Variants in CDKL2 observed in about 807,000 individuals in gnomAD.
CDKL2 encodes the protein cyclin dependent kinase like 2, also known as cyclin-dependent kinase-like 2.
Under a neutral mutation model 63.9 loss-of-function variants are expected in CDKL2, and 64 were observed. That is an observed-to-expected ratio of 1.00 (90% CI 0.82 to 1.23). The LOEUF is 1.23. CDKL2 is among the 50% of genes most tolerant of loss of function. CDKL2 has a pLI of 0.00. For synonymous variants in CDKL2, 211 were observed against 229.2 expected (o/e 0.92, Z 0.72); for missense variants, 656 against 668.0 (o/e 0.98, Z 0.20).
chr4:75,599,424 G>T (rs9998246), intron 7 of CDKL2, among the ~76,000 whole-genome samples: 4,869 of 151,870 alleles, frequency 0.032, 239 homozygotes, highest in African/African-American at 0.11. Context: ...AGCCAGTTGT[G>T]GTGGCACATG....
At chr4:75,601,887 T>G (rs957065130) in intron 6 of CDKL2, among the ~76,000 whole-genome samples, 1 of 152,168 alleles carries the variant, frequency 6.6e-6, no homozygotes, top group Non-Finnish European at 1.5e-5. Context: ...AACAAAAAAA[T>G]TGGGTAAATC....
intron 2 of CDKL2, among the ~76,000 whole-genome samples, chr4:75,622,622 G>A (rs1392876972): frequency 3.4e-5 from 5 of 145,610 alleles, no homozygotes; most frequent in African/African-American, 1.3e-4. Context: ...GGAGGCTGAG[G>A]CAGGAGAATT....
Position 75,607,179 on chromosome 4 carries a change from T to A in CDKL2, c.542+4A>T, listed in dbSNP as rs1729454117. The A allele has an allele frequency of 6.2e-7, 1 of 1,602,636 alleles. No homozygotes were observed. Among genetic ancestry groups the A allele is most frequent in the African/African-American group, 1.3e-5 (1 of 74,658 alleles). ...TCTACTCCTCCCCATTACTGATGTC[T>A]TACTTGCCATACTTGACATCACCAA... On this transcript the variant is annotated splice_donor_region_variant and intron_variant, in intron 4 of 13. Coordinates refer to ENST00000307465, the MANE Select transcript of CDKL2 (RefSeq NM_001330724.2).
At chr4:75,617,574 C>T (rs912583722) in intron 2 of CDKL2, among the ~76,000 whole-genome samples, 4 of 152,184 alleles carry the variant, frequency 2.6e-5, no homozygotes, top group Non-Finnish European at 5.9e-5. Context: ...CCTAATGGAA[C>T]TATAAATTCT....
chr4:75,579,853 C>T lies in CDKL2; in HGVS notation c.*24-675G>A, dbSNP rs1055416703. 8.5e-5 allele frequency among the ~76,000 whole-genome samples: 13 copies of T among 152,230 alleles called. 1 individual carries two copies. The highest frequency in any genetic ancestry group is 2.9e-4 in the African/African-American group (12 of 41,458). On this transcript the variant is annotated intron_variant, in intron 13 of 13. Transcript: ENST00000307465. ...TGAATGCATTGCAAAGACTCTCCCA[C>T]GGCCTTGAAAGGACCTGTGCAAATG...
Position 75,610,824 on chromosome 4 carries a change from T to C in CDKL2, c.363+3431A>G, listed in dbSNP as rs188325006. ...ATCCTTATGTGTACATATATGTGTT[T>C]ATATATATGTATGTATGTATGTATA... On this transcript the variant is annotated intron_variant, in intron 3 of 13. Coordinates refer to ENST00000307465, the MANE Select transcript of CDKL2 (RefSeq NM_001330724.2). Among the ~76,000 whole-genome samples the C allele has an allele frequency of 3.2e-4, 48 of 152,300 alleles. No individual in the cohort carries two copies. The East Asian group carries it at 7.9e-3, about 25-fold the overall frequency.
intron 3 of CDKL2, among the ~76,000 whole-genome samples, chr4:75,609,311 A>G (rs1729571219): frequency 1.3e-5 from 2 of 152,116 alleles, no homozygotes. Context: ...TATTCAGATA[A>G]TATTTAAAAA....
intron 10 of CDKL2, among the ~76,000 whole-genome samples, chr4:75,592,822 G>A (rs896992899): frequency 1.2e-4 from 18 of 152,240 alleles, no homozygotes; most frequent in African/African-American, 4.3e-4. Context: ...GACACAGAAA[G>A]AATTATAACT....
At chr4:75,619,927 A>G (rs1423065741) in intron 2 of CDKL2, among the ~76,000 whole-genome samples, 1 of 152,188 alleles carries the variant, frequency 6.6e-6, no homozygotes, top group Non-Finnish European at 1.5e-5. Flanking sequence ...GCTCCCGCCT[A>G]TGATTCTAGC....
chr4:75,583,880 C>T (rs1728363065), intron 12 of CDKL2, among the ~76,000 whole-genome samples: 1 of 151,454 alleles, frequency 6.6e-6, no homozygotes, highest in Admixed American at 6.6e-5. Context: ...CAAAAGAAAA[C>T]TGGAAAGGAA....
Position 75,605,620 on chromosome 4 carries a change from C to A in CDKL2, c.557G>T (p.Trp186Leu). ...TTCAGTTACCAGACAACCAATGGCC[C>A]ACACATCAACAGCCCTGAAAGAAAA... is the stretch of plus-strand genomic sequence containing the variant. ...DVKYGKAVDV[W>L]AIGCLVTEMF... Residue 186 changes from tryptophan (W) to leucine (L), a missense_variant, in exon 5 of 14, where the codon TGG becomes TTG. Coordinates refer to ENST00000307465, the MANE Select transcript of CDKL2 (RefSeq NM_001330724.2). 6.2e-7 allele frequency: 1 copy of A among 1,611,446 alleles called. No individual in the cohort carries two copies. Among genetic ancestry groups the A allele is most frequent in the Non-Finnish European group, 8.5e-7 (1 of 1,177,602 alleles).
intron 1 of CDKL2, among the ~76,000 whole-genome samples, chr4:75,626,874 C>G (rs1469622918): frequency 1.3e-5 from 2 of 151,468 alleles, no homozygotes; most frequent in East Asian, 3.9e-4. Context: ...AGCAACGGAG[C>G]AAGAATCTGT....
intron 13 of CDKL2, among the ~76,000 whole-genome samples, 168 bp downstream of exon 13, chr4:75,581,642 G>A (rs1300186541): frequency 6.6e-6 from 1 of 152,234 alleles, no homozygotes; most frequent in Non-Finnish European, 1.5e-5. Context: ...TCATCTCAGA[G>A]ATAAATACTA....
chr4:75,583,341 T>C (rs76582520), intron 12 of CDKL2, among the ~76,000 whole-genome samples: 22,885 of 152,230 alleles, frequency 0.15, 1,849 homozygotes, highest in South Asian at 0.35. Context: ...AACTATTTCT[T>C]AGACCACATA....
intron 3 of CDKL2, 123 bp from the exon 4 acceptor site, chr4:75,607,484 C>T (rs1417126480): frequency 4.3e-6 from 3 of 691,782 alleles, no homozygotes; most frequent in Non-Finnish European, 6.8e-6. Flanking sequence ...GAAAGTTGCT[C>T]CTAGCCCTCA....
rs993231867 is a variant in CDKL2 at position 75,596,071 on chromosome 4, C to G, written c.1416+176G>C. 8 of 402,296 alleles carry G rather than the reference C, an allele frequency of 2.0e-5. No individual in the cohort carries two copies. The Admixed American group carries it at 3.5e-4, about 18-fold the overall frequency. The allele number at this position is 402,296 out of a possible 1,614,324, so 24.9% of individuals were successfully genotyped here. A position where few individuals can be genotyped will look rare whatever the true frequency, so the allele number is the denominator to read the frequency against. On this transcript the variant is annotated intron_variant, in intron 10 of 13. Coordinates refer to ENST00000307465, the MANE Select transcript of CDKL2 (RefSeq NM_001330724.2). ...AGTTTTTAGACTCATAAAACTTAAACTTTCAGAATTTCACGTTTATGACTA... is the reference window on the plus strand; with the variant it reads ...AGTTTTTAGACTCATAAAACTTAAAGTTTCAGAATTTCACGTTTATGACTA...
At chr4:75,621,654 G>A (rs1307459591) in intron 2 of CDKL2, among the ~76,000 whole-genome samples, 2 of 152,038 alleles carry the variant, frequency 1.3e-5, no homozygotes, top group East Asian at 3.9e-4. Flanking sequence ...TCCCACCTCA[G>A]CCTCCTGAAT....
At chr4:75,625,514 G>A (rs1464070) in intron 2 of CDKL2, among the ~76,000 whole-genome samples, 133,201 of 152,100 alleles carry the variant, frequency 0.88, 58,335 homozygotes, top group East Asian at 0.92. Flanking sequence ...ACAAATTAGG[G>A]AAAAGGGCTG....
intron 2 of CDKL2, among the ~76,000 whole-genome samples, chr4:75,617,203 A>T (rs1392219351): frequency 6.6e-6 from 1 of 151,334 alleles, no homozygotes; most frequent in Non-Finnish European, 1.5e-5. Flanking sequence ...CTTAAAAGTT[A>T]AAAAAAAACA....
Sources: allele counts gnomAD v4.1 joint callset (sites outside exome capture counted in the v4.1 genomes callset), GRCh38; gene constraint gnomAD v4.1.1; transcripts MANE v1.5; gene names NCBI Gene and HGNC (gene_info 2026-07-23, HGNC 2026-07-21).